The following KIF6 variants were observed in gnomAD, a reference collection of about 807,000 sequenced individuals.
The protein encoded by KIF6 is kinesin family member 6.
KIF6 carries 106 observed loss-of-function variants against 112.7 expected under a neutral mutation model. The ratio of observed to expected loss-of-function variants is 0.94; its 90% confidence interval spans 0.80 to 1.11. The LOEUF is 1.11. KIF6 is among the 50% of genes least tolerant of loss of function. The pLI is 0.00. For missense variants in KIF6, 929 were observed against 964.0 expected, an observed-to-expected ratio of 0.96 and a Z score of 0.48; for synonymous variants, 339 against 339.9, an observed-to-expected ratio of 1.00 and a Z score of 0.03.
intron 3 of KIF6, among the ~76,000 whole-genome samples, chr6:39,674,729 T>C (rs1355503494): frequency 2.0e-5 from 3 of 151,246 alleles, no homozygotes; most frequent in Non-Finnish European, 4.4e-5. Flanking sequence ...GTTTAATATT[T>C]TTACCAAACA....
At chr6:39,540,296 T>C in intron 12 of KIF6, 75 bp from the exon 13 acceptor site, 1 of 925,394 alleles carries the variant, frequency 1.1e-6, no homozygotes, top group Non-Finnish European at 1.7e-6. Context: ...TAAGTGTCAT[T>C]AATGTTCCTA....
rs76413501 is a variant in KIF6, at chr6:39,350,983, G to A, written c.2181-4457C>T. Among the ~76,000 whole-genome samples, 527 of 152,228 alleles carry A rather than the reference G, an allele frequency of 3.5e-3. 2 individuals carry two copies. The highest frequency in any genetic ancestry group is 0.012 in the African/African-American group (508 of 41,548). ...AATTAGAGCATCCAACCAGCTCGCC[G>A]GCAGCAACCACAGGGGACAGGGCTG... On this transcript the variant is annotated intron_variant, in intron 19 of 22. Coordinates refer to ENST00000287152, the MANE Select transcript of KIF6 (RefSeq NM_145027.6).
At chr6:39,690,397 C>T (rs1320139664) in intron 3 of KIF6, 1 of 151,782 alleles carries the variant, frequency 6.6e-6, no homozygotes, top group Non-Finnish European at 1.5e-5. Context: ...ATTCTGCAGA[C>T]AATAGTAAGT....
rs138986759 is a variant in KIF6, at chr6:39,712,198, G to A, written c.251+2494C>T. Among the ~76,000 whole-genome samples the A allele has an allele frequency of 4.4e-3, 668 of 152,092 alleles. 6 individuals carry two copies. Among genetic ancestry groups the A allele is most frequent in the African/African-American group, 0.016 (649 of 41,490 alleles). ...AAGAACTGTGGGTTTAGCTAAAAAGGCAAAAGCAGCTATATTTTATTTATC... is the reference window on the plus strand; with the variant it reads ...AAGAACTGTGGGTTTAGCTAAAAAGACAAAAGCAGCTATATTTTATTTATC... On this transcript the variant is annotated intron_variant, in intron 3 of 22. Transcript: ENST00000287152.
At chr6:39,701,581 A>G (rs531286417) in intron 3 of KIF6, among the ~76,000 whole-genome samples, 1 of 152,366 alleles carries the variant, frequency 6.6e-6, no homozygotes, top group South Asian at 2.1e-4. Context: ...ACATACGTTC[A>G]AAGATAAAAT....
chr6:39,672,412 T>C (rs1786875690), intron 3 of KIF6, among the ~76,000 whole-genome samples: 1 of 152,214 alleles, frequency 6.6e-6, no homozygotes, highest in African/African-American at 2.4e-5. Context: ...CTACTAATAA[T>C]ATAACAATTA....
At chr6:39,631,686 T>C (rs1784358442) in intron 5 of KIF6, among the ~76,000 whole-genome samples, 1 of 151,946 alleles carries the variant, frequency 6.6e-6, no homozygotes, top group Non-Finnish European at 1.5e-5. Context: ...CCTATGTTCA[T>C]GAGAGATATC....
rs142999075 is a variant in KIF6 at position 39,360,483 on chromosome 6, T to C, written c.1994A>G (p.Glu665Gly). The C allele has an allele frequency of 1.8e-4, 286 of 1,613,738 alleles. No homozygotes were observed. The African/African-American group carries it at 3.1e-3, about 18-fold the overall frequency. Reference protein sequence around the residue: ...TRLKALKVEIEHLQLLMDKAK... With the variant: ...TRLKALKVEIGHLQLLMDKAK... ...TTTGTCCATGAGCAGCTGCAAGTGC[T>C]CGATCTCCACCTTCAGGGCTTTCAG... The change falls in exon 18 of 23, where the codon GAG becomes GGG. Residue 665 changes from glutamate to glycine, a missense_variant. Physicochemically the swap from Glu to Gly is moderately conservative, Grantham distance 98 (BLOSUM62 -2). This residue lies in a region of KIF6 where 241 missense variants were observed against 301.4 expected (regional missense o/e 0.80). Coordinates refer to ENST00000287152, the MANE Select transcript of KIF6 (RefSeq NM_145027.6).
At chr6:39,346,079 TCTCTCTCCCCCCC>T (rs1763717170) in intron 20 of KIF6, among the ~76,000 whole-genome samples, 2 of 21,326 alleles carry the variant, frequency 9.4e-5, no homozygotes, top group Admixed American at 4.0e-4. Context: ...TCTCTCTCTC[TCTCTCTCCCCCCC>T]CTCTCCCTCC....
chr6:39,437,460 T>C (rs1771604082), intron 13 of KIF6, among the ~76,000 whole-genome samples: 1 of 152,190 alleles, frequency 6.6e-6, no homozygotes, highest in Non-Finnish European at 1.5e-5. Flanking sequence ...ATCTTTTGAA[T>C]GAATGAATGA....
intron 21 of KIF6, 89 bp downstream of exon 21, chr6:39,345,611 G>T: frequency 9.3e-7 from 1 of 1,073,454 alleles, no homozygotes; most frequent in South Asian, 1.5e-5. Context: ...TACTGGACGA[G>T]GGGCTTTTTC....
chr6:39,575,912 T>C (rs2150632614), intron 10 of KIF6, among the ~76,000 whole-genome samples: 2 of 152,220 alleles, frequency 1.3e-5, no homozygotes, highest in South Asian at 4.2e-4. Flanking sequence ...TTCCTTGAAG[T>C]CTCTAGACCA....
intron 13 of KIF6, among the ~76,000 whole-genome samples, chr6:39,514,789 AT>A (rs1357835695): frequency 6.6e-6 from 1 of 152,112 alleles, no homozygotes; most frequent in African/African-American, 2.4e-5. Context: ...CCCGGGGATG[AT>A]TTTCTCTACT....
intron 1 of KIF6, among the ~76,000 whole-genome samples, chr6:39,722,889 A>C (rs1322330464): frequency 6.6e-6 from 1 of 152,214 alleles, no homozygotes; most frequent in East Asian, 1.9e-4. Flanking sequence ...AGACTCACCA[A>C]AGACATACAA....
At chr6:39,626,536 T>G (rs532620621) in intron 5 of KIF6, among the ~76,000 whole-genome samples, 1 of 152,294 alleles carries the variant, frequency 6.6e-6, no homozygotes, top group East Asian at 1.9e-4. Flanking sequence ...ACAATCTCTG[T>G]GAACCTCAGT....
intron 20 of KIF6, among the ~76,000 whole-genome samples, chr6:39,346,086 C>CTCTCTCTCTCTCTCTCTCTCTCTCTCT (rs1326236666): frequency 7.4e-5 from 2 of 26,992 alleles, no homozygotes; most frequent in African/African-American, 3.5e-4. Flanking sequence ...CTCTCTCTCT[C>CTCTCTCTCTCTCTCTCTCTCTCTCTCT]CCCCCCCTCT....
chr6:39,528,083 G>C (rs1027801590), intron 13 of KIF6, among the ~76,000 whole-genome samples: 5 of 152,126 alleles, frequency 3.3e-5, no homozygotes, highest in Admixed American at 1.3e-4. Flanking sequence ...CTCCCATCTA[G>C]TTGAGGCTTT....
chr6:39,420,701 A>T (rs1202514967), intron 14 of KIF6, among the ~76,000 whole-genome samples: 1 of 152,232 alleles, frequency 6.6e-6, no homozygotes, highest in Non-Finnish European at 1.5e-5. Flanking sequence ...CTCTACCCAG[A>T]AATAAGCACA....
chr6:39,454,522 T>G lies in KIF6; in HGVS notation c.1646-23361A>C, dbSNP rs1329182311. Among the ~76,000 whole-genome samples, 12 of 133,122 alleles carry G rather than the reference T, an allele frequency of 9.0e-5. 1 individual carries two copies. The highest frequency in any genetic ancestry group is 3.1e-4 in the Admixed American group (4 of 12,804). The allele number at this position is 133,122 out of a possible 152,430, so 87.3% of individuals were successfully genotyped here. ...CTTTCCTTAGATATAATAGTGATAC[T>G]GAGAGCATCAAAAAAAAAAAAAAAA... is the stretch of plus-strand genomic sequence containing the variant. On this transcript the variant is annotated intron_variant, in intron 13 of 22. Transcript: ENST00000287152.
Sources: allele counts gnomAD v4.1 joint callset (sites outside exome capture counted in the v4.1 genomes callset), GRCh38; gene constraint gnomAD v4.1.1; regional missense constraint gnomAD v4.1.1; transcripts MANE v1.5; gene names NCBI Gene and HGNC (gene_info 2026-07-23, HGNC 2026-07-21).